The following PPP2R3A variants were observed in gnomAD, a reference collection of about 807,000 sequenced individuals.
The protein encoded by PPP2R3A is protein phosphatase 2 regulatory subunit B''alpha.
In PPP2R3A, 80 loss-of-function variants were observed where a neutral mutation model predicts 106.9. The ratio of observed to expected loss-of-function variants is 0.75; its 90% CI spans 0.62 to 0.90. The LOEUF is 0.90. Ranked by LOEUF, PPP2R3A falls within the 40% of genes least tolerant of loss-of-function variation. PPP2R3A has a pLI of 0.00. For synonymous variants in PPP2R3A, 483 were observed against 468.3 expected (o/e 1.03, Z -0.41); for missense variants, 1,386 against 1,350.4 (o/e 1.03, Z -0.41).
At chr3:136,099,855 A>T (rs1353060572) in intron 10 of PPP2R3A, among the ~76,000 whole-genome samples, 2 of 151,982 alleles carry the variant, frequency 1.3e-5, no homozygotes, top group Non-Finnish European at 2.9e-5. Context: ...AGATGCTCAA[A>T]AGGCCACATG....
At chr3:136,095,036 A>G (rs1009919619) in intron 10 of PPP2R3A, among the ~76,000 whole-genome samples, 2 of 152,222 alleles carry the variant, frequency 1.3e-5, no homozygotes, top group East Asian at 3.8e-4. Flanking sequence ...CCCAAGGGAA[A>G]GATGGTCCCA....
chr3:136,080,457 A>G (rs1157033949), intron 7 of PPP2R3A, among the ~76,000 whole-genome samples: 1 of 152,198 alleles, frequency 6.6e-6, no homozygotes, highest in Non-Finnish European at 1.5e-5. Flanking sequence ...AGCCTGCACT[A>G]CTTTCACTTA....
chr3:135,982,654 A>G (rs1937553689), intron 1 of PPP2R3A, among the ~76,000 whole-genome samples: 1 of 152,062 alleles, frequency 6.6e-6, no homozygotes, highest in Non-Finnish European at 1.5e-5. Flanking sequence ...TCTGTGGTCA[A>G]CCTCTGTACC....
chr3:136,136,113 A>G (rs1363509950), intron 13 of PPP2R3A, among the ~76,000 whole-genome samples: 1 of 148,150 alleles, frequency 6.7e-6, no homozygotes, highest in East Asian at 1.9e-4. Context: ...CATGGTTAAG[A>G]GCATGAAATT....
At chr3:136,072,224 C>T (rs796908136) in intron 6 of PPP2R3A, among the ~76,000 whole-genome samples, 18 of 152,228 alleles carry the variant, frequency 1.2e-4, no homozygotes, top group African/African-American at 4.3e-4. Context: ...TCTATGTCCT[C>T]AGTACCTAGA....
intron 3 of PPP2R3A, among the ~76,000 whole-genome samples, chr3:136,035,982 T>C (rs938534812): frequency 6.6e-6 from 1 of 152,084 alleles, no homozygotes; most frequent in Non-Finnish European, 1.5e-5. Flanking sequence ...CTTTGAGCTC[T>C]GAATTTCTTT....
At chr3:135,991,261 G>A (rs527669934) in intron 1 of PPP2R3A, among the ~76,000 whole-genome samples, 23 of 152,234 alleles carry the variant, frequency 1.5e-4, no homozygotes, top group Admixed American at 1.1e-3. Flanking sequence ...TTATTAAACT[G>A]TGTTGTAAAA....
At chr3:136,045,956 G>A (rs935356224) in intron 4 of PPP2R3A, among the ~76,000 whole-genome samples, 12 of 152,184 alleles carry the variant, frequency 7.9e-5, no homozygotes, top group African/African-American at 2.9e-4. Context: ...GGCCGAGGCA[G>A]TAAGATTGCA....
chr3:136,013,807 G>GTTTGTTTACTCTGCTGA (rs60213766), intron 2 of PPP2R3A, among the ~76,000 whole-genome samples: 38,789 of 151,652 alleles, frequency 0.26, 5,411 homozygotes, highest in Non-Finnish European at 0.32. Context: ...GCTGTGGTTT[G>GTTTGTTTACTCTGCTGA]TTATTTCTTT....
chr3:136,035,134 C>CAGCA (rs1179904410), intron 3 of PPP2R3A, among the ~76,000 whole-genome samples: 1 of 152,184 alleles, frequency 6.6e-6, no homozygotes, highest in East Asian at 1.9e-4. Context: ...CTCTTGAAGG[C>CAGCA]AGCAGATAAT....
At position 136,078,501 on chromosome 3, in the gene PPP2R3A, T is replaced by G. The variant is rs781160245; in HGVS notation, c.2631+48T>G. ...TGTGTAATGAGCAATTTAGATAATT[T>G]TCTTACTTTATTTAACAAATATTTG... On this transcript the variant is annotated intron_variant, in intron 7 of 13. Transcript: ENST00000264977. The G allele has an allele frequency of 1.2e-5, 15 of 1,227,376 alleles. No homozygotes were observed. The East Asian group carries it at 2.8e-4, about 23-fold the overall frequency. The allele number at this position is 1,227,376 out of a possible 1,614,324, so 76.0% of individuals were successfully genotyped here.
At chr3:136,080,624 T>G (rs1936752681) in intron 7 of PPP2R3A, among the ~76,000 whole-genome samples, 1 of 152,252 alleles carries the variant, frequency 6.6e-6, no homozygotes, top group African/African-American at 2.4e-5. Context: ...TGAGCAAGTT[T>G]GGAAGACAGA....
intron 13 of PPP2R3A, among the ~76,000 whole-genome samples, chr3:136,138,157 C>T (rs1938700224): frequency 6.6e-6 from 1 of 152,102 alleles, no homozygotes; most frequent in Non-Finnish European, 1.5e-5. Context: ...TAAACAGAGC[C>T]TCTACGTGGG....
chr3:136,146,957 A>C lies in PPP2R3A; in HGVS notation c.*1791A>C, dbSNP rs1029162962. The C allele has an allele frequency of 3.3e-5, 5 of 152,158 alleles. No homozygotes were observed. Among genetic ancestry groups the C allele is most frequent in the African/African-American group, 1.2e-4 (5 of 41,432 alleles). 9.4% of individuals were successfully genotyped at this position (152,158 alleles called of 1,614,324 possible). A position where few individuals can be genotyped will look rare whatever the true frequency, so the allele number is the denominator to read the frequency against. ...ATCTAAACTAATAAGATTCACCAAA[A>C]AGTAAAAATTCAATTTTACAATATA... On this transcript the variant is annotated 3_prime_UTR_variant, in exon 14 of 14. Transcript: ENST00000264977.
intron 1 of PPP2R3A, among the ~76,000 whole-genome samples, chr3:135,993,463 C>T (rs1933260048): frequency 6.6e-6 from 1 of 152,124 alleles, no homozygotes; most frequent in African/African-American, 2.4e-5. Flanking sequence ...AATGGTAGAA[C>T]CACTTTGGAA....
Position 136,078,393 on chromosome 3 carries a change from C to T in PPP2R3A, c.2571C>T (p.Val857=). Residue 857 remains valine, a synonymous_variant, in exon 7 of 14, where the codon GTC becomes GTT. Coordinates refer to ENST00000264977, the MANE Select transcript of PPP2R3A (RefSeq NM_002718.5). ...TTATTCAGAGAATATTCTACACAGT[C>T]AACAGATCTTGGAGTGGAAAAATTA... ...TTVIQRIFYT[V]NRSWSGKITS... is the part of the protein sequence containing the mutation. The T allele has an allele frequency of 6.2e-7, 1 of 1,609,742 alleles. No individual in the cohort carries two copies. Among genetic ancestry groups the T allele is most frequent in the Non-Finnish European group, 8.5e-7 (1 of 1,177,218 alleles).
At chr3:136,119,045 A>G (rs1261988023) in intron 13 of PPP2R3A, among the ~76,000 whole-genome samples, 1 of 152,142 alleles carries the variant, frequency 6.6e-6, no homozygotes, top group Non-Finnish European at 1.5e-5. Context: ...GGAACAGAAC[A>G]GAGGCCTCAG....
intron 2 of PPP2R3A, chr3:136,022,968 A>G: frequency 1.3e-6 from 2 of 1,556,286 alleles, no homozygotes; most frequent in South Asian, 2.4e-5. Flanking sequence ...GGAGATAAGA[A>G]GAAAAAATAC....
intron 13 of PPP2R3A, among the ~76,000 whole-genome samples, chr3:136,124,179 G>T (rs527771968): frequency 6.6e-6 from 1 of 152,250 alleles, no homozygotes; most frequent in South Asian, 2.1e-4. Context: ...TTAAATGAAT[G>T]AAAAGAACAT....
Sources: allele counts gnomAD v4.1 joint callset (sites outside exome capture counted in the v4.1 genomes callset), GRCh38; gene constraint gnomAD v4.1.1; transcripts MANE v1.5; gene names NCBI Gene and HGNC (gene_info 2026-07-23, HGNC 2026-07-21).